Variants in LARS2 observed in about 807,000 individuals in gnomAD.
The protein encoded by LARS2 is leucyl-tRNA synthetase 2, mitochondrial.
Under a neutral mutation model 116.6 loss-of-function variants are expected in LARS2, and 81 were observed. That is an observed-to-expected ratio of 0.69 (90% CI 0.58 to 0.84). The LOEUF (loss-of-function observed/expected upper bound fraction) is 0.84. Among genes scored for constraint, LARS2 ranks in the 40% least tolerant of loss-of-function variants. The pLI is 0.00. For synonymous variants in LARS2, 396 were observed against 407.2 expected, an observed-to-expected ratio of 0.97 and a Z score of 0.33; for missense variants, 968 against 1,114.5, an observed-to-expected ratio of 0.87 and a Z score of 1.87.
Position 45,474,336 on chromosome 3 carries a change from G to A in LARS2, c.844G>A (p.Asp282Asn), listed in dbSNP as rs1365714928. 6.2e-7 allele frequency: 1 copy of A among 1,603,684 alleles called. No individual in the cohort carries two copies. Among genetic ancestry groups the A allele is most frequent in the Non-Finnish European group, 8.5e-7 (1 of 1,171,534 alleles). The part of the protein sequence containing the change: ...WIGDCVGCHL[D>N]FTLKVHGQAT... ...TGGGGACTGTGTGGGCTGCCACCTG[G>A]ACTTCACATTAAAGGTGATTAAGTA... The change falls in exon 9 of 22, where the codon GAC (aspartate) becomes AAC (asparagine). Residue 282 changes from aspartate to asparagine, a missense_variant. Transcript: ENST00000645846.
At chr3:45,435,676 C>T (rs771965607) in intron 6 of LARS2, among the ~76,000 whole-genome samples, 3 of 150,630 alleles carry the variant, frequency 2.0e-5, no homozygotes, top group Non-Finnish European at 4.4e-5. Flanking sequence ...TTTCTCTGTA[C>T]TCATTGGCAT....
chr3:45,548,991 G>A lies in LARS2; in HGVS notation c.*1461G>A, dbSNP rs951807827. 3.3e-5 allele frequency: 5 copies of A among 152,282 alleles called. No homozygotes were observed. Among genetic ancestry groups the A allele is most frequent in the Admixed American group, 1.3e-4 (2 of 15,296 alleles). 9.4% of individuals were successfully genotyped at this position (152,282 alleles called of 1,614,324 possible). On this transcript the variant is annotated 3_prime_UTR_variant, in exon 22 of 22. Coordinates refer to ENST00000645846, the MANE Select transcript of LARS2 (RefSeq NM_015340.4). ...AAGTGGGATACATGTGGTTCTTCTT[G>A]TTCCAGAACTTACAGTCCATGGTAG... is the stretch of plus-strand genomic sequence containing the variant.
chr3:45,446,021 G>C (rs1699012023), intron 6 of LARS2, among the ~76,000 whole-genome samples: 1 of 152,122 alleles, frequency 6.6e-6, no homozygotes, highest in African/African-American at 2.4e-5. Context: ...CTACAGTGAG[G>C]CACAATCACA....
chr3:45,466,245 G>A (rs1420648649), intron 8 of LARS2, among the ~76,000 whole-genome samples: 1 of 152,158 alleles, frequency 6.6e-6, no homozygotes, highest in Non-Finnish European at 1.5e-5. Flanking sequence ...GACTCCATGG[G>A]AAGAGATGTA....
chr3:45,388,856 C>T (rs1180192029), intron 1 of LARS2, 176 bp downstream of exon 1: 2 of 152,270 alleles, frequency 1.3e-5, no homozygotes, highest in Non-Finnish European at 2.9e-5. Context: ...TCTTCAGGAC[C>T]TTTGAGCCAC....
chr3:45,461,754 G>A (rs1488828558), intron 8 of LARS2, among the ~76,000 whole-genome samples: 1 of 152,180 alleles, frequency 6.6e-6, no homozygotes, highest in African/African-American at 2.4e-5. Context: ...AAAATCCATA[G>A]AGCTTGGTAA....
chr3:45,471,534 G>GCA (rs1391954682), intron 8 of LARS2, among the ~76,000 whole-genome samples: 1 of 152,166 alleles, frequency 6.6e-6, no homozygotes, highest in African/African-American at 2.4e-5. Flanking sequence ...AGAAGAAAAA[G>GCA]CACAATGAGA....
intron 20 of LARS2, among the ~76,000 whole-genome samples, chr3:45,525,681 T>G (rs1175248047): frequency 1.3e-5 from 2 of 152,256 alleles, no homozygotes; most frequent in South Asian, 2.1e-4. Flanking sequence ...AGTCATCTTC[T>G]GGGTCTTTCC....
intron 3 of LARS2, among the ~76,000 whole-genome samples, chr3:45,396,781 G>A (rs1026098860): frequency 1.6e-4 from 24 of 152,322 alleles, no homozygotes; most frequent in Non-Finnish European, 3.4e-4. Flanking sequence ...TCAGAAAAAG[G>A]TTTAGGTAAT....
intron 4 of LARS2, among the ~76,000 whole-genome samples, chr3:45,416,254 T>TG (rs1443930350): frequency 7.4e-5 from 11 of 147,740 alleles, no homozygotes; most frequent in Admixed American, 1.3e-4. Context: ...GACATTGTCT[T>TG]GGAAAAAAAA....
chr3:45,474,379 T>C, intron 9 of LARS2, 29 bp downstream of exon 9: 1 of 1,430,318 alleles, frequency 7.0e-7, no homozygotes, highest in Non-Finnish European at 9.8e-7. Flanking sequence ...CTCCAGCAAT[T>C]CATGATCACA....
At chr3:45,389,466 G>A (rs1697900487) in intron 1 of LARS2, among the ~76,000 whole-genome samples, 1 of 152,336 alleles carries the variant, frequency 6.6e-6, no homozygotes, top group Admixed American at 6.5e-5. Flanking sequence ...ACTGCATGAT[G>A]CACAAGAAGG....
intron 4 of LARS2, among the ~76,000 whole-genome samples, chr3:45,404,866 T>C (rs943203978): frequency 4.6e-5 from 7 of 152,040 alleles, no homozygotes; most frequent in African/African-American, 1.7e-4. Flanking sequence ...GGATTACAGG[T>C]GTGAGCCACT....
At chr3:45,466,392 T>G (rs1164486459) in intron 8 of LARS2, among the ~76,000 whole-genome samples, 1 of 152,216 alleles carries the variant, frequency 6.6e-6, no homozygotes, top group Non-Finnish European at 1.5e-5. Context: ...TCGGGTCTCT[T>G]TTTAATCCCT....
At chr3:45,488,356 C>G (rs1337249308) in intron 11 of LARS2, among the ~76,000 whole-genome samples, 1 of 152,142 alleles carries the variant, frequency 6.6e-6, no homozygotes, top group Non-Finnish European at 1.5e-5. Flanking sequence ...TCACTTGAAC[C>G]CGGGAGGCTG....
Position 45,533,175 on chromosome 3 carries a change from G to A in LARS2, c.2405-8654G>A, listed in dbSNP as rs1262741412. Among the ~76,000 whole-genome samples the A allele has an allele frequency of 9.8e-5, 9 of 91,820 alleles. No individual in the cohort carries two copies. In the Admixed American group the frequency reaches 1.3e-3, roughly 13 times the overall value. 60.2% of individuals were successfully genotyped at this position (91,820 alleles called of 152,430 possible). A position where few individuals can be genotyped will look rare whatever the true frequency, so the allele number is the denominator to read the frequency against. The stretch of plus-strand genomic sequence containing the variant: ...TTTTTTTTTTTTTTTTTTTGAGATG[G>A]AGTCTTGCTCTGTCGCCCAGGCTGG... On this transcript the variant is annotated intron_variant, in intron 20 of 21. Coordinates refer to ENST00000645846, the MANE Select transcript of LARS2 (RefSeq NM_015340.4).
chr3:45,463,395 T>C (rs946226204), intron 8 of LARS2, among the ~76,000 whole-genome samples: 2 of 152,240 alleles, frequency 1.3e-5, no homozygotes, highest in Non-Finnish European at 2.9e-5. Flanking sequence ...GGTGGTTATG[T>C]TTTCAGGAGT....
intron 3 of LARS2, 119 bp from the exon 4 acceptor site, chr3:45,400,126 T>C (rs1438498737): frequency 2.0e-6 from 2 of 1,006,266 alleles, no homozygotes; most frequent in African/African-American, 3.3e-5. Flanking sequence ...GAACACTCTT[T>C]TTAAAAGGAA....
intron 4 of LARS2, among the ~76,000 whole-genome samples, chr3:45,403,924 A>G (rs1030210456): frequency 1.3e-5 from 2 of 152,192 alleles, no homozygotes; most frequent in African/African-American, 2.4e-5. Context: ...GGATAACAAT[A>G]CTTTATTCCT....
Sources: allele counts gnomAD v4.1 joint callset (sites outside exome capture counted in the v4.1 genomes callset), GRCh38; gene constraint gnomAD v4.1.1; transcripts MANE v1.5; gene names NCBI Gene and HGNC (gene_info 2026-07-23, HGNC 2026-07-21).